Variants in ASAP2 observed in about 807,000 individuals in gnomAD.
The protein encoded by ASAP2 is ArfGAP with SH3 domain, ankyrin repeat and PH domain 2, also known as arf-GAP with SH3 domain, ANK repeat and PH domain-containing protein 2.
ASAP2 carries 45 observed loss-of-function variants against 131.4 expected under a neutral mutation model. That is an observed-to-expected ratio of 0.34 (90% CI 0.27 to 0.44). The LOEUF (loss-of-function observed/expected upper bound fraction) is 0.44. ASAP2 is among the 20% of genes least tolerant of loss of function. The probability of loss-of-function intolerance (pLI) is 1.00; values close to 1 mark genes in which losing one functional copy is unlikely to be tolerated. For missense variants in ASAP2, 1,011 were observed against 1,297.0 expected (o/e 0.78, Z 3.39); for synonymous variants, 510 against 503.0 (o/e 1.01, Z -0.19).
chr2:9,268,223 G>A lies in ASAP2; in HGVS notation c.127-11094G>A, dbSNP rs1395720270. On this transcript the variant is annotated intron_variant, in intron 1 of 27. Coordinates refer to ENST00000281419, the MANE Select transcript of ASAP2 (RefSeq NM_003887.3). This position sits in a 1 kb window ranked among gnomAD's most constrained non-coding sequence, Gnocchi z 4.1. ...TCTGTTGTACGAATGTCCATCATCA[G>A]TTTATTCATTTTACCATCGACATTT... Among the ~76,000 whole-genome samples the A allele has an allele frequency of 6.6e-6, 1 of 152,188 alleles. No individual in the cohort carries two copies. The highest frequency in any genetic ancestry group is 1.5e-5 in the Non-Finnish European group (1 of 68,038).
At chr2:9,242,163 A>G (rs1157488375) in intron 1 of ASAP2, among the ~76,000 whole-genome samples, 1 of 151,694 alleles carries the variant, frequency 6.6e-6, no homozygotes, top group East Asian at 1.9e-4. Context: ...CTTTTTTTTT[A>G]TTTGGCCAGA....
chr2:9,294,890 C>T (rs1668058312), intron 2 of ASAP2, among the ~76,000 whole-genome samples: 1 of 152,186 alleles, frequency 6.6e-6, no homozygotes, highest in African/African-American at 2.4e-5. Context: ...TAAGCAGGAC[C>T]ATGGAGGTTG....
At chr2:9,362,582 T>A (rs1310182714) in intron 15 of ASAP2, among the ~76,000 whole-genome samples, 2 of 152,166 alleles carry the variant, frequency 1.3e-5, no homozygotes, top group African/African-American at 4.8e-5. Flanking sequence ...CCGGCGCCTG[T>A]AATCCCAGTA....
chr2:9,330,992 A>G (rs1244079748), intron 7 of ASAP2, among the ~76,000 whole-genome samples: 1 of 152,258 alleles, frequency 6.6e-6, no homozygotes, highest in Non-Finnish European at 1.5e-5. Context: ...GGAGGGTACA[A>G]CGTGGAGCTC....
chr2:9,323,451 A>C (rs904584707), intron 6 of ASAP2, among the ~76,000 whole-genome samples: 6 of 152,224 alleles, frequency 3.9e-5, no homozygotes, highest in Admixed American at 3.3e-4. Context: ...TTTAACACCA[A>C]CATTTTCTTA....
intron 22 of ASAP2, among the ~76,000 whole-genome samples, 167 bp downstream of exon 22, chr2:9,388,713 T>C (rs1445077314): frequency 6.6e-6 from 1 of 152,190 alleles, no homozygotes; most frequent in Non-Finnish European, 1.5e-5. Context: ...TCAGGCCAGA[T>C]GGTGGTAGAG....
At chr2:9,301,653 G>T (rs183549418) in intron 3 of ASAP2, among the ~76,000 whole-genome samples, 2 of 152,090 alleles carry the variant, frequency 1.3e-5, no homozygotes, top group Non-Finnish European at 2.9e-5. Context: ...TGCAGAACCC[G>T]CTCCACATGA....
chr2:9,255,698 A>G (rs993403490), intron 1 of ASAP2, among the ~76,000 whole-genome samples: 1 of 152,262 alleles, frequency 6.6e-6, no homozygotes, highest in African/African-American at 2.4e-5. Context: ...TGCCAGCACC[A>G]TGTGGTGCTC....
rs1184590752 is a variant in ASAP2, at chr2:9,389,281, C to T, written c.2383+735C>T. On this transcript the variant is annotated intron_variant, in intron 22 of 27. Transcript: ENST00000281419. This position sits in a 1 kb window ranked among gnomAD's most constrained non-coding sequence, Gnocchi z 4.7. Reference sequence around the variant, plus strand: ...GAGCTCCAGTCGTGGCCATGGCCTTCAGAGGGTTTCCCACATGAAGGAGGC... The same window carrying T: ...GAGCTCCAGTCGTGGCCATGGCCTTTAGAGGGTTTCCCACATGAAGGAGGC... Among the ~76,000 whole-genome samples the T allele has an allele frequency of 6.6e-6, 1 of 152,214 alleles. No homozygotes were observed. The highest frequency in any genetic ancestry group is 6.5e-5 in the Admixed American group (1 of 15,286).
At chr2:9,229,682 G>C (rs1242663550) in intron 1 of ASAP2, among the ~76,000 whole-genome samples, 1 of 152,238 alleles carries the variant, frequency 6.6e-6, no homozygotes, top group East Asian at 1.9e-4. Flanking sequence ...GGCACACAGA[G>C]CACTGGAGGG....
At chr2:9,225,349 T>C (rs1662683410) in intron 1 of ASAP2, among the ~76,000 whole-genome samples, 1 of 152,184 alleles carries the variant, frequency 6.6e-6, no homozygotes, top group African/African-American at 2.4e-5. Flanking sequence ...TAAAGACACT[T>C]GTCTAGTGGT....
chr2:9,360,526 G>A (rs373865534), intron 15 of ASAP2, among the ~76,000 whole-genome samples: 7 of 151,980 alleles, frequency 4.6e-5, no homozygotes, highest in Admixed American at 3.3e-4. Context: ...CCCTATCACC[G>A]TCCCCAACAA....
chr2:9,240,602 C>T (rs535260938), intron 1 of ASAP2, among the ~76,000 whole-genome samples: 15 of 152,240 alleles, frequency 9.9e-5, no homozygotes, highest in South Asian at 8.3e-4. Context: ...CGCACCACGG[C>T]CGTAGCTTTT....
intron 1 of ASAP2, among the ~76,000 whole-genome samples, chr2:9,256,483 C>G (rs1665172573): frequency 6.6e-6 from 1 of 152,154 alleles, no homozygotes; most frequent in Admixed American, 6.5e-5. Flanking sequence ...TCTAACATAT[C>G]TGAGATAAGG....
intron 6 of ASAP2, among the ~76,000 whole-genome samples, chr2:9,326,747 G>C (rs1487043484): frequency 1.3e-5 from 2 of 152,068 alleles, no homozygotes; most frequent in African/African-American, 4.8e-5. Flanking sequence ...GGGTTTTATT[G>C]GCTTAGTGGC....
intron 27 of ASAP2, 37 bp downstream of exon 27, chr2:9,401,433 T>C (rs1483577452): frequency 1.2e-6 from 2 of 1,606,108 alleles, no homozygotes; most frequent in Admixed American, 1.7e-5. Flanking sequence ...TCCTGGGGGC[T>C]GAGCCACGTC....
At chr2:9,340,338 T>A (rs955152550) in intron 9 of ASAP2, among the ~76,000 whole-genome samples, 2 of 152,204 alleles carry the variant, frequency 1.3e-5, no homozygotes, top group Non-Finnish European at 2.9e-5. Context: ...TCTGCAACTT[T>A]ATTCTGTGAG....
chr2:9,355,941 A>G (rs1672669747), intron 12 of ASAP2, 106 bp from the exon 13 acceptor site: 2 of 1,370,474 alleles, frequency 1.5e-6, no homozygotes, highest in East Asian at 4.6e-5. Context: ...TAATTTCGTA[A>G]CAGAGAGCTA....
chr2:9,361,368 G>A (rs1292769529), intron 15 of ASAP2, among the ~76,000 whole-genome samples: 4 of 152,064 alleles, frequency 2.6e-5, no homozygotes, highest in African/African-American at 7.3e-5. Flanking sequence ...ATCTCCCCAC[G>A]GCTCCCCCAA....
Sources: allele counts gnomAD v4.1 joint callset (sites outside exome capture counted in the v4.1 genomes callset), GRCh38; gene constraint gnomAD v4.1.1; non-coding constraint Gnocchi (gnomAD v3.1); transcripts MANE v1.5; gene names NCBI Gene and HGNC (gene_info 2026-07-23, HGNC 2026-07-21).